Variants in SEMA6D observed in about 807,000 individuals in gnomAD.
SEMA6D encodes semaphorin-6D.
Under a neutral mutation model 106.6 loss-of-function variants are expected in SEMA6D, and 35 were observed. The ratio of observed to expected loss-of-function variants is 0.33; its 90% confidence interval spans 0.25 to 0.44. The LOEUF (loss-of-function observed/expected upper bound fraction) is 0.44. Among genes scored for constraint, SEMA6D ranks in the 20% least tolerant of loss-of-function variants. The probability of loss-of-function intolerance (pLI) is 1.00; values close to 1 mark genes in which losing one functional copy is unlikely to be tolerated. For missense variants in SEMA6D, 1,185 were observed against 1,345.9 expected, an observed-to-expected ratio of 0.88 and a Z score of 1.87; for synonymous variants, 499 against 487.7, an observed-to-expected ratio of 1.02 and a Z score of -0.31.
intron 2 of SEMA6D, among the ~76,000 whole-genome samples, chr15:47,413,025 T>G (rs1279477039): frequency 6.6e-6 from 1 of 152,064 alleles, no homozygotes. Flanking sequence ...TGCCATTACT[T>G]AAAAAGAGAG....
intron 4 of SEMA6D, among the ~76,000 whole-genome samples, chr15:47,636,788 A>G (rs781616043): frequency 1.3e-5 from 2 of 152,202 alleles, no homozygotes; most frequent in Non-Finnish European, 2.9e-5. Context: ...AGGGCCTGCA[A>G]TACAGAAGGG....
chr15:47,750,189 CTGTT>C (rs749217697), intron 1 of SEMA6D, among the ~76,000 whole-genome samples: 49 of 152,110 alleles, frequency 3.2e-4, no homozygotes, highest in Non-Finnish European at 5.3e-4. Flanking sequence ...AGGGGAATGG[CTGTT>C]TGTTTATAAT....
chr15:47,237,500 T>C (rs1475516370), intron 1 of SEMA6D, among the ~76,000 whole-genome samples: 1 of 152,056 alleles, frequency 6.6e-6, no homozygotes, highest in Non-Finnish European at 1.5e-5. Context: ...CAATGAGCAA[T>C]GCACTATGAC....
intron 2 of SEMA6D, among the ~76,000 whole-genome samples, chr15:47,452,301 T>G (rs1234330187): frequency 2.0e-5 from 3 of 149,912 alleles, no homozygotes; most frequent in African/African-American, 7.4e-5. Context: ...GGAATTGAGT[T>G]AAGGGTGTGT....
intron 1 of SEMA6D, among the ~76,000 whole-genome samples, chr15:47,304,425 C>G (rs1326597197): frequency 4.4e-5 from 5 of 113,162 alleles, no homozygotes; most frequent in Non-Finnish European, 8.0e-5. Context: ...CAGCCTGAGC[C>G]TTCTAACTAA....
chr15:47,537,486 A>G (rs1596269970), intron 3 of SEMA6D, among the ~76,000 whole-genome samples: 1 of 152,216 alleles, frequency 6.6e-6, no homozygotes, highest in East Asian at 1.9e-4. Flanking sequence ...AGTTAGGCAG[A>G]GTTTAGATTA....
intron 3 of SEMA6D, among the ~76,000 whole-genome samples, chr15:47,594,641 C>A (rs191005271): frequency 1.6e-3 from 245 of 152,286 alleles, no homozygotes; most frequent in African/African-American, 5.5e-3. Flanking sequence ...AAGTAAGTGG[C>A]AGTACCTGCT....
intron 4 of SEMA6D, among the ~76,000 whole-genome samples, chr15:47,637,041 G>A (rs1471049092): frequency 6.6e-6 from 1 of 152,142 alleles, no homozygotes; most frequent in African/African-American, 2.4e-5. Flanking sequence ...TGAAAAAAAG[G>A]CAGAGAAGGG....
intron 3 of SEMA6D, among the ~76,000 whole-genome samples, chr15:47,528,650 G>C (rs1383765052): frequency 6.6e-6 from 1 of 152,194 alleles, no homozygotes; most frequent in Non-Finnish European, 1.5e-5. Flanking sequence ...AAAAGGAAAG[G>C]CCCTCCTTTA....
intron 4 of SEMA6D, among the ~76,000 whole-genome samples, chr15:47,683,051 G>T (rs1450847259): frequency 6.6e-6 from 1 of 152,184 alleles, no homozygotes; most frequent in Non-Finnish European, 1.5e-5. Context: ...TGATTAGTCT[G>T]TGCACATATT....
chr15:47,299,478 G>C (rs919276506), intron 1 of SEMA6D, among the ~76,000 whole-genome samples: 4 of 152,186 alleles, frequency 2.6e-5, no homozygotes, highest in African/African-American at 9.7e-5. Flanking sequence ...CTTTGGCAGG[G>C]AAAGTAAAGC....
At chr15:47,684,587 A>G (rs569936360) in intron 4 of SEMA6D, among the ~76,000 whole-genome samples, 85 of 152,312 alleles carry the variant, frequency 5.6e-4, no homozygotes, top group African/African-American at 2.0e-3. Context: ...GTTTATAATA[A>G]TGCCCAGTAC....
At chr15:47,499,377 G>C (rs1002493151) in intron 3 of SEMA6D, among the ~76,000 whole-genome samples, 6 of 151,950 alleles carry the variant, frequency 3.9e-5, no homozygotes, top group Non-Finnish European at 7.4e-5. Context: ...TGGCTTACCC[G>C]CAAAGCCAGA....
At chr15:47,591,039 A>G (rs1352642960) in intron 3 of SEMA6D, among the ~76,000 whole-genome samples, 2 of 152,208 alleles carry the variant, frequency 1.3e-5, no homozygotes, top group African/African-American at 4.8e-5. Context: ...CAGGTAATCC[A>G]TAAGCAATAG....
Position 47,671,557 on chromosome 15 carries a change from G to A in SEMA6D, c.-55+70661G>A, listed in dbSNP as rs149376679. Among the ~76,000 whole-genome samples the A allele has an allele frequency of 7.9e-5, 12 of 152,214 alleles. No homozygotes were observed. The East Asian group carries it at 1.2e-3, about 15-fold the overall frequency. Reference sequence around the variant, plus strand: ...GAGCACTGGATAATGGAACGTATTCGGGGACTACAAATGGAAAGCTTCAGT... The same window carrying A: ...GAGCACTGGATAATGGAACGTATTCAGGGACTACAAATGGAAAGCTTCAGT... On this transcript the variant is annotated intron_variant, in intron 4 of 19. Coordinates refer to the SEMA6D transcript ENST00000558014.
At chr15:47,421,332 C>A (rs1045495967) in intron 2 of SEMA6D, among the ~76,000 whole-genome samples, 2 of 152,080 alleles carry the variant, frequency 1.3e-5, no homozygotes, top group Admixed American at 6.6e-5. Flanking sequence ...TTGCTACTTA[C>A]CAGCTATACA....
chr15:47,752,741 G>A (rs1290910088), intron 1 of SEMA6D, among the ~76,000 whole-genome samples: 1 of 151,818 alleles, frequency 6.6e-6, no homozygotes, highest in African/African-American at 2.4e-5. Context: ...GGGCACAGTG[G>A]CTCACGCCTG....
At chr15:47,385,457 T>A (rs1032440588) in intron 1 of SEMA6D, among the ~76,000 whole-genome samples, 1 of 152,138 alleles carries the variant, frequency 6.6e-6, no homozygotes, top group African/African-American at 2.4e-5. Flanking sequence ...TTTGTAAAAA[T>A]TCATTTCTTT....
At chr15:47,326,508 T>A (rs1163884118) in intron 1 of SEMA6D, among the ~76,000 whole-genome samples, 1 of 152,230 alleles carries the variant, frequency 6.6e-6, no homozygotes, top group Non-Finnish European at 1.5e-5. Context: ...TTTCTCTTCC[T>A]CCATTCTCAA....
Sources: allele counts gnomAD v4.1 joint callset (sites outside exome capture counted in the v4.1 genomes callset), GRCh38; gene constraint gnomAD v4.1.1; transcripts MANE v1.5; gene names NCBI Gene and HGNC (gene_info 2026-07-23, HGNC 2026-07-21).